The following ZBTB20 variants were observed in gnomAD, a reference collection of about 807,000 sequenced individuals.
The protein encoded by ZBTB20 is zinc finger and BTB domain containing 20.
ZBTB20 carries 9 observed loss-of-function variants against 56.9 expected under a neutral mutation model. The ratio of observed to expected loss-of-function variants is 0.16; its 90% CI spans 0.10 to 0.28. The LOEUF (loss-of-function observed/expected upper bound fraction) is 0.28, where lower values mean the gene tolerates loss of function less well. Among genes scored for constraint, ZBTB20 ranks in the 10% least tolerant of loss-of-function variants. ZBTB20 has a pLI of 1.00. For synonymous variants in ZBTB20, 417 were observed against 420.7 expected (o/e 0.99, Z 0.11); for missense variants, 655 against 1,003.0 (o/e 0.65, Z 4.69).
At chr3:114,452,389 C>G (rs1317660836) in intron 7 of ZBTB20, among the ~76,000 whole-genome samples, 1 of 152,048 alleles carries the variant, frequency 6.6e-6, no homozygotes, top group Non-Finnish European at 1.5e-5. Context: ...AGTGAGTTAC[C>G]CTGGAAAATT....
Position 114,315,971 on chromosome 3 carries a change from T to C in ZBTB20, c.*23034A>G, listed in dbSNP as rs1425746616. 1 of 153,520 alleles carries C rather than the reference T, an allele frequency of 6.5e-6. No individual in the cohort carries two copies. The highest frequency in any genetic ancestry group is 2.4e-5 in the African/African-American group (1 of 41,444). 9.5% of individuals were successfully genotyped at this position (153,520 alleles called of 1,614,324 possible). ...AAAAAAGGTTTTTTGTTTTTTTGTT[T>C]TTTTTTTCAGTTTTTATTTCAAACA... On this transcript the variant is annotated 3_prime_UTR_variant, in exon 12 of 12. Coordinates refer to ENST00000675478, the MANE Select transcript of ZBTB20 (RefSeq NM_001348800.3).
intron 3 of ZBTB20, among the ~76,000 whole-genome samples, chr3:114,966,534 T>C (rs1356218109): frequency 1.3e-5 from 2 of 152,142 alleles, no homozygotes; most frequent in Non-Finnish European, 2.9e-5. Flanking sequence ...GAGATAGATG[T>C]TATTTTTTCC....
In ZBTB20 at chr3:114,329,735, A is replaced by AAAACAAC. The variant is rs1553785009; in HGVS notation, c.*9269_*9270insGTTGTTT. 1.4e-5 allele frequency: 2 copies of AAAACAAC among 138,598 alleles called. No individual in the cohort carries two copies. Among genetic ancestry groups the AAAACAAC allele is most frequent in the African/African-American group, 3.0e-5 (1 of 32,850 alleles). The allele number at this position is 138,598 out of a possible 1,614,324, so 8.6% of individuals were successfully genotyped here. The stretch of plus-strand genomic sequence containing the variant: ...AAAAAAAAAAAAAAAAAAAAAAAAA[A>AAAACAAC]AACAACTCCCAGGAAAATGAACACT... On this transcript the variant is annotated 3_prime_UTR_variant, in exon 12 of 12. Coordinates refer to ENST00000675478, the MANE Select transcript of ZBTB20 (RefSeq NM_001348800.3).
chr3:114,800,102 C>T (rs564695638), intron 5 of ZBTB20, among the ~76,000 whole-genome samples: 6 of 151,742 alleles, frequency 4.0e-5, no homozygotes, highest in African/African-American at 1.5e-4. Flanking sequence ...AGACTCTTAG[C>T]GAAAGAACTT....
At chr3:114,487,141 A>G (rs139464629) in intron 7 of ZBTB20, among the ~76,000 whole-genome samples, 85 of 152,302 alleles carry the variant, frequency 5.6e-4, no homozygotes, top group African/African-American at 2.0e-3. Context: ...CCAGCTTCTG[A>G]GTATAAACTA....
chr3:114,858,387 T>C (rs2075343661), intron 4 of ZBTB20, among the ~76,000 whole-genome samples: 1 of 152,160 alleles, frequency 6.6e-6, no homozygotes, highest in South Asian at 2.1e-4. Flanking sequence ...TAGATAATTC[T>C]TTTTAGTGGA....
At chr3:114,358,994 A>G (rs910205940) in intron 10 of ZBTB20, among the ~76,000 whole-genome samples, 1 of 152,118 alleles carries the variant, frequency 6.6e-6, no homozygotes, top group East Asian at 1.9e-4. Context: ...TTTAGCAACT[A>G]TGTAGGACCT....
intron 6 of ZBTB20, among the ~76,000 whole-genome samples, chr3:114,634,893 G>A (rs1207008208): frequency 1.3e-5 from 2 of 152,182 alleles, no homozygotes; most frequent in African/African-American, 4.8e-5. Flanking sequence ...TGACGCACCT[G>A]TAGAACTTCG....
chr3:114,861,125 G>A (rs999501534), intron 4 of ZBTB20, among the ~76,000 whole-genome samples: 2 of 152,192 alleles, frequency 1.3e-5, no homozygotes, highest in African/African-American at 4.8e-5. Flanking sequence ...GGTTTAGCAT[G>A]CTTCTCTCTT....
chr3:115,042,355 G>T (rs969807267), intron 2 of ZBTB20, among the ~76,000 whole-genome samples: 1 of 152,124 alleles, frequency 6.6e-6, no homozygotes, highest in Non-Finnish European at 1.5e-5. Flanking sequence ...AGGTCCATAC[G>T]TAAAATCTTT....
chr3:114,517,171 G>C (rs900358393), intron 6 of ZBTB20, among the ~76,000 whole-genome samples: 1 of 152,124 alleles, frequency 6.6e-6, no homozygotes, highest in African/African-American at 2.4e-5. Flanking sequence ...TAGATGAAAT[G>C]CCTATCATTT....
chr3:115,026,071 A>G (rs1471301106), intron 2 of ZBTB20, among the ~76,000 whole-genome samples: 1 of 151,060 alleles, frequency 6.6e-6, no homozygotes, highest in Non-Finnish European at 1.5e-5. Flanking sequence ...ATATGTCTAC[A>G]CATCTAACAA....
chr3:115,012,056 T>G (rs1247604678), intron 2 of ZBTB20, among the ~76,000 whole-genome samples: 2 of 151,248 alleles, frequency 1.3e-5, no homozygotes, highest in African/African-American at 4.9e-5. Context: ...TTTAAAAAAA[T>G]ACAATGGATA....
intron 7 of ZBTB20, among the ~76,000 whole-genome samples, chr3:114,408,227 T>C (rs560238452): frequency 1.3e-5 from 2 of 152,338 alleles, no homozygotes; most frequent in South Asian, 4.1e-4. Flanking sequence ...AAGTACTGAG[T>C]TTGCTTGTTA....
rs1212817530 is a variant in ZBTB20, at chr3:114,326,934, T to C, written c.*12071A>G. 1 of 152,130 alleles carries C rather than the reference T, an allele frequency of 6.6e-6. No homozygotes were observed. The highest frequency in any genetic ancestry group is 1.5e-5 in the Non-Finnish European group (1 of 68,024). 9.4% of individuals were successfully genotyped at this position (152,130 alleles called of 1,614,324 possible). A position where few individuals can be genotyped will look rare whatever the true frequency, so the allele number is the denominator to read the frequency against. ...TATCTGTAAAATAAGATGCAGACTT[T>C]CTGAAATGCATTGTATGTGTGTGTG... On this transcript the variant is annotated 3_prime_UTR_variant, in exon 12 of 12. Coordinates refer to ENST00000675478, the MANE Select transcript of ZBTB20 (RefSeq NM_001348800.3).
intron 1 of ZBTB20, among the ~76,000 whole-genome samples, chr3:115,085,885 AG>A (rs1369728968): frequency 6.6e-6 from 1 of 151,902 alleles, no homozygotes; most frequent in Non-Finnish European, 1.5e-5. Context: ...CATGAAGCTG[AG>A]TATTTAAATG....
rs565368252 is a variant in ZBTB20 at position 114,617,341 on chromosome 3, C to T, written c.-295+76187G>A. Among the ~76,000 whole-genome samples the T allele has an allele frequency of 3.9e-5, 6 of 152,266 alleles. 1 individual carries two copies. In the South Asian group the frequency reaches 6.2e-4, roughly 16 times the overall value. Reference sequence around the variant, plus strand: ...TTAACTGCCTTTGCCCCTGCTGGCTCCCTTACTGAATGTTCTTCCTCCCTC... The same window carrying T: ...TTAACTGCCTTTGCCCCTGCTGGCTTCCTTACTGAATGTTCTTCCTCCCTC... On this transcript the variant is annotated intron_variant, in intron 6 of 11. Coordinates refer to ENST00000675478, the MANE Select transcript of ZBTB20 (RefSeq NM_001348800.3).
At chr3:115,032,181 G>A (rs531827772) in intron 2 of ZBTB20, among the ~76,000 whole-genome samples, 4 of 151,286 alleles carry the variant, frequency 2.6e-5, no homozygotes, top group Middle Eastern at 3.4e-3. Flanking sequence ...ATAACAGCAC[G>A]TATTTTATGT....
In ZBTB20 at chr3:114,489,029, G is replaced by T. The variant is rs192117018; in HGVS notation, c.-255+11323C>A. ...GAAAGAAAAAGAGAAAGATAAACAGGACTGTATGGAAATATAATATTTCCT... is the reference window on the plus strand; with the variant it reads ...GAAAGAAAAAGAGAAAGATAAACAGTACTGTATGGAAATATAATATTTCCT... On this transcript the variant is annotated intron_variant, in intron 7 of 11. Coordinates refer to ENST00000675478, the MANE Select transcript of ZBTB20 (RefSeq NM_001348800.3). Among the ~76,000 whole-genome samples the T allele has an allele frequency of 2.6e-5, 4 of 152,264 alleles. No individual in the cohort carries two copies. The East Asian group carries it at 7.7e-4, about 29-fold the overall frequency.
Sources: gnomAD v4.1 joint callset for allele counts (sites outside exome capture counted in the v4.1 genomes callset) on GRCh38, gnomAD v4.1.1 for gene constraint, MANE v1.5 for transcripts, NCBI Gene and HGNC (gene_info 2026-07-23, HGNC 2026-07-21) for gene names.